Variants in LEKR1 observed in about 807,000 individuals in gnomAD.
The protein encoded by LEKR1 is protein LEKR1.
Under a neutral mutation model 72.4 loss-of-function variants are expected in LEKR1, and 59 were observed. The ratio of observed to expected loss-of-function variants is 0.82; its 90% CI spans 0.66 to 1.01. LEKR1 has a LOEUF of 1.01. Ranked by LOEUF, LEKR1 falls within the 50% of genes least tolerant of loss-of-function variation. The pLI, the probability that LEKR1 is intolerant of heterozygous loss-of-function variation, is 0.00. For synonymous variants in LEKR1, 257 were observed against 263.2 expected, an observed-to-expected ratio of 0.98 and a Z score of 0.23; for missense variants, 728 against 759.2, an observed-to-expected ratio of 0.96 and a Z score of 0.48.
intron 6 of LEKR1, among the ~76,000 whole-genome samples, chr3:156,960,477 G>T (rs1387904770): frequency 6.6e-6 from 1 of 152,046 alleles, no homozygotes; most frequent in Non-Finnish European, 1.5e-5. Context: ...GTAGAGACGG[G>T]GTTTCACCAT....
At chr3:156,937,524 C>T (rs1725827093) in intron 5 of LEKR1, among the ~76,000 whole-genome samples, 1 of 152,152 alleles carries the variant, frequency 6.6e-6, no homozygotes, top group Non-Finnish European at 1.5e-5. Context: ...CATATTAAGT[C>T]TTGACATGGA....
chr3:157,023,943 T>C (rs1008136217), intron 10 of LEKR1, among the ~76,000 whole-genome samples: 10 of 152,194 alleles, frequency 6.6e-5, no homozygotes, highest in African/African-American at 1.7e-4. Context: ...ATGGGTAATC[T>C]GTAGACATGA....
At chr3:156,845,841 A>G (rs2108534480) in intron 2 of LEKR1, among the ~76,000 whole-genome samples, 2 of 152,266 alleles carry the variant, frequency 1.3e-5, no homozygotes, top group Middle Eastern at 3.4e-3. Context: ...ATTTGAGAAT[A>G]ACTCTTTCTA....
chr3:157,006,199 G>A (rs1052285883), intron 9 of LEKR1, among the ~76,000 whole-genome samples: 20 of 149,772 alleles, frequency 1.3e-4, no homozygotes, highest in Non-Finnish European at 1.8e-4. Flanking sequence ...TAGAGACGGG[G>A]TTTCACCTTG....
At chr3:156,831,796 A>T (rs1362630991) in intron 2 of LEKR1, among the ~76,000 whole-genome samples, 3 of 152,174 alleles carry the variant, frequency 2.0e-5, no homozygotes, top group African/African-American at 4.8e-5. Flanking sequence ...GAGAGCTACA[A>T]TTCAAGATGA....
chr3:156,956,543 C>A (rs1727653860), intron 6 of LEKR1, among the ~76,000 whole-genome samples: 1 of 151,780 alleles, frequency 6.6e-6, no homozygotes, highest in South Asian at 2.1e-4. Flanking sequence ...ATAATAAGTG[C>A]TATAGAGATA....
rs1475030993 is a variant in LEKR1, at chr3:156,927,486, T to C, written c.441T>C (p.Phe147=). The C allele has an allele frequency of 1.7e-6, 2 of 1,192,758 alleles. No individual in the cohort carries two copies. Among genetic ancestry groups the C allele is most frequent in the Non-Finnish European group, 1.1e-6 (1 of 935,568 alleles). 73.9% of individuals were successfully genotyped at this position (1,192,758 alleles called of 1,614,324 possible). The change falls in exon 5 of 13, where the codon TTT becomes TTC. Residue 147 remains phenylalanine, a synonymous_variant. Transcript: ENST00000356539. ...ATAAGACTCTTTCATTACTTACTTT[T>C]ACTAAAAGGGAACTAACCAGTATTA... ...FWNKTLSLLT[F]TKRELTSIKN...
chr3:156,974,763 C>A (rs1409948442), intron 6 of LEKR1, among the ~76,000 whole-genome samples: 3 of 151,884 alleles, frequency 2.0e-5, no homozygotes, highest in Non-Finnish European at 4.4e-5. Context: ...TAGAATAATA[C>A]AACATGTATG....
At chr3:157,019,581 G>A (rs926707478) in intron 10 of LEKR1, among the ~76,000 whole-genome samples, 5 of 151,998 alleles carry the variant, frequency 3.3e-5, no homozygotes, top group Non-Finnish European at 5.9e-5. Flanking sequence ...TGCTTTTTTA[G>A]AAATCATAAT....
intron 6 of LEKR1, among the ~76,000 whole-genome samples, chr3:156,943,992 A>T (rs1375110366): frequency 2.6e-5 from 4 of 151,804 alleles, no homozygotes; most frequent in Non-Finnish European, 5.9e-5. Flanking sequence ...AGCAAATTTT[A>T]TACAGTATAA....
At chr3:156,848,936 G>T (rs1187603422) in intron 2 of LEKR1, among the ~76,000 whole-genome samples, 1 of 152,080 alleles carries the variant, frequency 6.6e-6, no homozygotes, top group African/African-American at 2.4e-5. Context: ...GGGTACATGT[G>T]CATTCAGTTA....
chr3:156,962,222 G>C (rs954803212), intron 6 of LEKR1, among the ~76,000 whole-genome samples: 1 of 152,224 alleles, frequency 6.6e-6, no homozygotes, highest in African/African-American at 2.4e-5. Context: ...TCACTGTAGT[G>C]ACTTGATCAG....
intron 2 of LEKR1, among the ~76,000 whole-genome samples, chr3:156,831,889 T>C (rs1712460956): frequency 6.6e-6 from 1 of 152,190 alleles, no homozygotes; most frequent in African/African-American, 2.4e-5. Flanking sequence ...TTTGGTTAGG[T>C]CAGAATTTTC....
At chr3:156,844,902 A>G (rs1324300608) in intron 2 of LEKR1, among the ~76,000 whole-genome samples, 5 of 100,736 alleles carry the variant, frequency 5.0e-5, no homozygotes, top group African/African-American at 2.4e-4. Flanking sequence ...TATAGTAACT[A>G]CAGGTTTTTT....
chr3:157,007,758 T>C (rs888475004), intron 9 of LEKR1, among the ~76,000 whole-genome samples: 1 of 152,216 alleles, frequency 6.6e-6, no homozygotes, highest in Non-Finnish European at 1.5e-5. Flanking sequence ...TGGTACAAAA[T>C]GTGGAGCAAG....
At chr3:156,849,991 AT>A (rs1398772227) in intron 2 of LEKR1, among the ~76,000 whole-genome samples, 2 of 152,126 alleles carry the variant, frequency 1.3e-5, no homozygotes. Flanking sequence ...ATGGGAGAAA[AT>A]TTTTGCAACC....
chr3:156,874,350 T>C (rs1560042269), intron 3 of LEKR1, among the ~76,000 whole-genome samples: 1 of 152,146 alleles, frequency 6.6e-6, no homozygotes, highest in Non-Finnish European at 1.5e-5. Context: ...TATTGCTAAA[T>C]GATTGTACAT....
intron 3 of LEKR1, among the ~76,000 whole-genome samples, chr3:156,876,707 C>G (rs539902081): frequency 2.0e-5 from 3 of 152,246 alleles, no homozygotes; most frequent in African/African-American, 7.2e-5. Context: ...TTTATCAGAT[C>G]CAGGAGCATT....
intron 6 of LEKR1, among the ~76,000 whole-genome samples, chr3:156,943,550 A>G (rs1239998891): frequency 6.6e-6 from 1 of 151,936 alleles, no homozygotes; most frequent in Non-Finnish European, 1.5e-5. Flanking sequence ...GGCAGAGAGT[A>G]AAAGCAAAAC....
Sources: allele counts gnomAD v4.1 joint callset (sites outside exome capture counted in the v4.1 genomes callset), GRCh38; gene constraint gnomAD v4.1.1; transcripts MANE v1.5; gene names NCBI Gene and HGNC (gene_info 2026-07-23, HGNC 2026-07-21).